PDSS2: variants seen among roughly 807,000 people sequenced by gnomAD.
PDSS2 encodes the protein all trans-polyprenyl-diphosphate synthase PDSS2.
PDSS2 carries 31 observed loss-of-function variants against 44.5 expected under a neutral mutation model. The ratio of observed to expected loss-of-function variants is 0.70; its 90% CI spans 0.52 to 0.94. PDSS2 has a LOEUF of 0.94. PDSS2 is among the 40% of genes least tolerant of loss of function. The pLI, the probability that PDSS2 is intolerant of heterozygous loss-of-function variation, is 0.00. For missense variants in PDSS2, 452 were observed against 482.2 expected (o/e 0.94, Z 0.59); for synonymous variants, 157 against 180.3 (o/e 0.87, Z 1.03).
chr6:107,373,265 G>A (rs9372159), intron 1 of PDSS2, among the ~76,000 whole-genome samples: 20,710 of 152,088 alleles, frequency 0.14, 1,578 homozygotes, highest in East Asian at 0.25. Flanking sequence ...GATTACAAGC[G>A]TGAGCCACTG....
chr6:107,339,441 C>T (rs1428421639), intron 1 of PDSS2, among the ~76,000 whole-genome samples: 1 of 152,134 alleles, frequency 6.6e-6, no homozygotes, highest in Non-Finnish European at 1.5e-5. Flanking sequence ...TAAGACTGGA[C>T]GCCTTCTATA....
At chr6:107,170,890 G>A (rs1254401563) in intron 7 of PDSS2, among the ~76,000 whole-genome samples, 1 of 152,078 alleles carries the variant, frequency 6.6e-6, no homozygotes, top group Non-Finnish European at 1.5e-5. Flanking sequence ...TGGGATTACA[G>A]GCATGAGCCA....
rs1024848352 is a variant in PDSS2, at chr6:107,232,227, T to C, written c.702+13321A>G. Among the ~76,000 whole-genome samples the C allele has an allele frequency of 3.9e-5, 6 of 152,176 alleles. No individual in the cohort carries two copies. In the South Asian group the frequency reaches 1.2e-3, roughly 32 times the overall value. On this transcript the variant is annotated intron_variant, in intron 4 of 7. Coordinates refer to ENST00000369037, the MANE Select transcript of PDSS2 (RefSeq NM_020381.4). ...TGTGTCCAAAGCACCTTCATGTTTA[T>C]ACTACATATATTTTCATAACACCTG...
intron 1 of PDSS2, among the ~76,000 whole-genome samples, chr6:107,378,734 C>T (rs1051693361): frequency 5.3e-5 from 8 of 152,248 alleles, no homozygotes; most frequent in South Asian, 2.1e-4. Flanking sequence ...TGCAATGAGC[C>T]GATATCGCAC....
At chr6:107,225,368 G>A (rs1033758531) in intron 4 of PDSS2, among the ~76,000 whole-genome samples, 1 of 150,900 alleles carries the variant, frequency 6.6e-6, no homozygotes, top group Non-Finnish European at 1.5e-5. Flanking sequence ...GGTCAGGCTG[G>A]TCTTGAACTC....
chr6:107,423,467 G>A (rs1780891335), intron 1 of PDSS2, among the ~76,000 whole-genome samples: 1 of 152,094 alleles, frequency 6.6e-6, no homozygotes, highest in Admixed American at 6.6e-5. Flanking sequence ...GATAGTCTGT[G>A]GTAAGTAAGG....
chr6:107,212,395 T>C (rs1310268635), intron 4 of PDSS2, 113 bp from the exon 5 acceptor site: 3 of 819,092 alleles, frequency 3.7e-6, no homozygotes, highest in Non-Finnish European at 5.8e-6. Context: ...ACTCAGGCTA[T>C]TGGAACAAGA....
At chr6:107,172,780 T>TTTC (rs1327322042) in intron 7 of PDSS2, among the ~76,000 whole-genome samples, 1 of 151,088 alleles carries the variant, frequency 6.6e-6, no homozygotes, top group Non-Finnish European at 1.5e-5. Context: ...TCTTTTTTTT[T>TTTC]TTCTTCTTCT....
At chr6:107,364,867 C>A (rs577836081) in intron 1 of PDSS2, among the ~76,000 whole-genome samples, 31 of 152,310 alleles carry the variant, frequency 2.0e-4, no homozygotes, top group African/African-American at 6.7e-4. Flanking sequence ...AATAACAATA[C>A]AATTAATGGT....
chr6:107,452,772 T>C (rs1447545746), intron 1 of PDSS2, among the ~76,000 whole-genome samples: 1 of 151,890 alleles, frequency 6.6e-6, no homozygotes, highest in African/African-American at 2.4e-5. Context: ...GTTCAAGCGA[T>C]TCTCCTGCCT....
chr6:107,224,384 G>A (rs993693710), intron 4 of PDSS2, among the ~76,000 whole-genome samples: 1 of 151,368 alleles, frequency 6.6e-6, no homozygotes, highest in Non-Finnish European at 1.5e-5. Context: ...GAGCTCCTAG[G>A]AAAGACCCAC....
At chr6:107,188,639 C>T (rs1455153461) in intron 7 of PDSS2, among the ~76,000 whole-genome samples, 6 of 152,104 alleles carry the variant, frequency 3.9e-5, no homozygotes, top group African/African-American at 7.2e-5. Context: ...GTGGGCCTAG[C>T]GGGAGGTGTT....
intron 1 of PDSS2, among the ~76,000 whole-genome samples, chr6:107,447,577 TC>T (rs1426648003): frequency 1.3e-5 from 2 of 152,170 alleles, no homozygotes; most frequent in Non-Finnish European, 2.9e-5. Flanking sequence ...AGAGGTGGGC[TC>T]CCACAGTCTT....
chr6:107,459,374 T>A lies in PDSS2; in HGVS notation c.-89A>T, dbSNP rs148230004. 7.2e-6 allele frequency: 8 copies of A among 1,105,328 alleles called. No individual in the cohort carries two copies. The highest frequency in any genetic ancestry group is 6.2e-5 in the African/African-American group (4 of 64,852). 68.5% of individuals were successfully genotyped at this position (1,105,328 alleles called of 1,614,324 possible). A position where few individuals can be genotyped will look rare whatever the true frequency, so the allele number is the denominator to read the frequency against. ...GGGCAGAGGAGGAACTTACAGTAAC[T>A]AAAAGGAAGCGGCAATTCTTGACCC... On this transcript the variant is annotated 5_prime_UTR_variant, in exon 1 of 8. Coordinates refer to ENST00000369037, the MANE Select transcript of PDSS2 (RefSeq NM_020381.4). The surrounding 1 kb of genome is among the most constrained non-coding windows in gnomAD (Gnocchi z 4.3).
At chr6:107,221,679 A>T (rs1773613795) in intron 4 of PDSS2, among the ~76,000 whole-genome samples, 1 of 152,216 alleles carries the variant, frequency 6.6e-6, no homozygotes, top group Non-Finnish European at 1.5e-5. Context: ...TTGCTCAGCC[A>T]TATGCTGCTC....
At chr6:107,343,274 TC>T (rs1778136446) in intron 1 of PDSS2, among the ~76,000 whole-genome samples, 1 of 152,200 alleles carries the variant, frequency 6.6e-6, no homozygotes, top group Non-Finnish European at 1.5e-5. Context: ...ATTTTTTTTT[TC>T]ATTTAGATAC....
At chr6:107,166,101 T>C (rs1771335881) in intron 7 of PDSS2, among the ~76,000 whole-genome samples, 2 of 152,154 alleles carry the variant, frequency 1.3e-5, no homozygotes, top group African/African-American at 2.4e-5. Flanking sequence ...TACAATCATG[T>C]CATCTGCAAA....
At chr6:107,401,307 G>A (rs1313325964) in intron 1 of PDSS2, among the ~76,000 whole-genome samples, 3 of 152,106 alleles carry the variant, frequency 2.0e-5, no homozygotes, top group African/African-American at 7.2e-5. Context: ...GCTGCATTAA[G>A]GCTTTTTATA....
chr6:107,213,616 G>A (rs149192379), intron 4 of PDSS2, among the ~76,000 whole-genome samples: 1,622 of 152,192 alleles, frequency 0.011, 16 homozygotes, highest in Non-Finnish European at 0.019. Context: ...AAAATTAGCC[G>A]GGTGGTGGCA....
Sources: allele counts gnomAD v4.1 joint callset (sites outside exome capture counted in the v4.1 genomes callset), GRCh38; gene constraint gnomAD v4.1.1; non-coding constraint Gnocchi (gnomAD v3.1); transcripts MANE v1.5; gene names NCBI Gene and HGNC (gene_info 2026-07-23, HGNC 2026-07-21).